The following SEMA3E variants were observed in gnomAD, a reference collection of about 807,000 sequenced individuals.
SEMA3E encodes semaphorin-3E.
Under a neutral mutation model 93.6 loss-of-function variants are expected in SEMA3E, and 49 were observed. That is an observed-to-expected ratio of 0.52 (90% CI 0.42 to 0.66). The LOEUF (loss-of-function observed/expected upper bound fraction) is 0.66. Among genes scored for constraint, SEMA3E ranks in the 30% least tolerant of loss-of-function variants. SEMA3E has a pLI of 0.00. For missense variants in SEMA3E, 906 were observed against 964.8 expected, an observed-to-expected ratio of 0.94 and a Z score of 0.81; for synonymous variants, 363 against 330.7, an observed-to-expected ratio of 1.10 and a Z score of -1.06.
intron 1 of SEMA3E, among the ~76,000 whole-genome samples, chr7:83,593,059 CCT>C (rs757847922): frequency 6.6e-5 from 10 of 152,014 alleles, no homozygotes; most frequent in Non-Finnish European, 1.3e-4. Context: ...CTTAAGCAAT[CCT>C]CTCACCTCAG....
At chr7:83,404,886 G>GT (rs1167611800) in intron 9 of SEMA3E, among the ~76,000 whole-genome samples, 2 of 151,896 alleles carry the variant, frequency 1.3e-5, no homozygotes, top group African/African-American at 4.8e-5. Flanking sequence ...GGAGGAGAAA[G>GT]TTTTTTCAAG....
chr7:83,567,006 C>T (rs1242552682), intron 1 of SEMA3E, among the ~76,000 whole-genome samples: 3 of 152,158 alleles, frequency 2.0e-5, no homozygotes, highest in Admixed American at 6.5e-5. Context: ...AGAACGACTG[C>T]CTTCAAGCAA....
chr7:83,448,292 C>T (rs763528163), intron 4 of SEMA3E, among the ~76,000 whole-genome samples: 7 of 152,130 alleles, frequency 4.6e-5, no homozygotes, highest in Non-Finnish European at 7.4e-5. Flanking sequence ...GTTAAGGAGT[C>T]GATGTATTAC....
intron 1 of SEMA3E, among the ~76,000 whole-genome samples, chr7:83,643,749 T>C (rs1032804703): frequency 6.6e-6 from 1 of 151,992 alleles, no homozygotes; most frequent in Non-Finnish European, 1.5e-5. Flanking sequence ...ACTTATCCAG[T>C]GATATTTTTT....
In SEMA3E at chr7:83,648,459, A is replaced by G. The variant is rs983639243; in HGVS notation, c.84T>C (p.Thr28=). The change falls in exon 1 of 17, where the codon ACT becomes ACC. Residue 28 remains threonine (T), a synonymous_variant. Coordinates refer to ENST00000643230, the MANE Select transcript of SEMA3E (RefSeq NM_012431.3). The stretch of plus-strand genomic sequence containing the variant: ...GTGACAGGCGTAACCGGGGGTGGGT[A>G]GTATCAGCTGTATGACCTCCTGTCC... ...ELWTGGHTAD[T]THPRLRLSHK... is the part of the protein sequence containing the mutation. 5 of 1,610,102 alleles carry G rather than the reference A, an allele frequency of 3.1e-6. No homozygotes were observed. The African/African-American group carries it at 5.4e-5, about 18-fold the overall frequency.
chr7:83,586,286 T>C (rs1792625270), intron 1 of SEMA3E, among the ~76,000 whole-genome samples: 1 of 152,160 alleles, frequency 6.6e-6, no homozygotes, highest in African/African-American at 2.4e-5. Context: ...GAAACGCATT[T>C]ACAAGATAAT....
intron 1 of SEMA3E, among the ~76,000 whole-genome samples, chr7:83,545,079 G>A (rs986707990): frequency 2.0e-5 from 3 of 152,016 alleles, no homozygotes; most frequent in African/African-American, 7.2e-5. Flanking sequence ...CTTAGGATAT[G>A]ATGGCCTTGC....
At chr7:83,429,740 G>A (rs893800139) in intron 4 of SEMA3E, among the ~76,000 whole-genome samples, 1 of 152,058 alleles carries the variant, frequency 6.6e-6, no homozygotes, top group Non-Finnish European at 1.5e-5. Flanking sequence ...TCCTGCACAA[G>A]TGACTTTCTT....
chr7:83,392,412 G>A, intron 14 of SEMA3E, 143 bp downstream of exon 14: 1 of 917,494 alleles, frequency 1.1e-6, no homozygotes, highest in Non-Finnish European at 1.7e-6. Flanking sequence ...AAAATAAAAG[G>A]TCAACAGCAT....
intron 1 of SEMA3E, among the ~76,000 whole-genome samples, chr7:83,603,803 C>T (rs1793047271): frequency 6.6e-6 from 1 of 152,124 alleles, no homozygotes; most frequent in African/African-American, 2.4e-5. Context: ...TCAAATCTAT[C>T]TTTGGAGCAG....
rs574901886 is a variant in SEMA3E at position 83,386,993 on chromosome 7, T to A, written c.1725A>T (p.Gln575His). The A allele has an allele frequency of 6.2e-7, 1 of 1,613,306 alleles. No homozygotes were observed. Among genetic ancestry groups the A allele is most frequent in the South Asian group, 1.1e-5 (1 of 91,036 alleles). The change falls in exon 15 of 17, where the codon CAA becomes CAT. Residue 575 changes from glutamine (Q) to histidine (H), a missense_variant. Gln to His is a conservative substitution (Grantham distance 24, BLOSUM62 0). Coordinates refer to ENST00000643230, the MANE Select transcript of SEMA3E (RefSeq NM_012431.3). Reference sequence around the variant, plus strand: ...TTTTCTATGGATTACCAACAAACTGTTGTCCAAAGCACTGCTGAGCTGCAT... The same window carrying A: ...TTTTCTATGGATTACCAACAAACTGATGTCCAAAGCACTGCTGAGCTGCAT... ...HGNAAQQCFG[Q>H]QFVGDALDKT...
At chr7:83,546,986 G>C (rs1190239463) in intron 1 of SEMA3E, among the ~76,000 whole-genome samples, 1 of 152,022 alleles carries the variant, frequency 6.6e-6, no homozygotes, top group Non-Finnish European at 1.5e-5. Flanking sequence ...TATAAAGCAA[G>C]AATGGTGACA....
chr7:83,638,180 T>C (rs1198095889), intron 1 of SEMA3E, among the ~76,000 whole-genome samples: 1 of 152,212 alleles, frequency 6.6e-6, no homozygotes, highest in Non-Finnish European at 1.5e-5. Flanking sequence ...AATATGTATA[T>C]TGTGTGGAAA....
At chr7:83,498,581 G>A (rs1790537701) in intron 1 of SEMA3E, among the ~76,000 whole-genome samples, 1 of 151,862 alleles carries the variant, frequency 6.6e-6, no homozygotes, top group Non-Finnish European at 1.5e-5. Flanking sequence ...GGGTTCAAGC[G>A]ATTCTCTTGC....
chr7:83,614,236 T>A (rs42024), intron 1 of SEMA3E, among the ~76,000 whole-genome samples: 1 of 151,834 alleles, frequency 6.6e-6, no homozygotes, highest in African/African-American at 2.4e-5. Flanking sequence ...TCACATTCTT[T>A]CTCAGTGCCA....
At chr7:83,416,889 T>C (rs557846309) in intron 5 of SEMA3E, among the ~76,000 whole-genome samples, 1 of 151,884 alleles carries the variant, frequency 6.6e-6, no homozygotes, top group African/African-American at 2.4e-5. Context: ...CCCCCAAAAG[T>C]GTTATTCCTA....
chr7:83,441,639 C>G (rs952948660), intron 4 of SEMA3E, among the ~76,000 whole-genome samples: 3 of 152,020 alleles, frequency 2.0e-5, no homozygotes, highest in African/African-American at 7.3e-5. Context: ...TCACAGCAAC[C>G]CTATATGTGA....
chr7:83,518,402 G>C (rs1321159729), intron 1 of SEMA3E, among the ~76,000 whole-genome samples: 1 of 152,106 alleles, frequency 6.6e-6, no homozygotes, highest in Non-Finnish European at 1.5e-5. Context: ...CTATAGGTTG[G>C]AGAAAGGTGG....
At chr7:83,458,631 GC>G (rs1321420468) in intron 4 of SEMA3E, among the ~76,000 whole-genome samples, 1 of 151,666 alleles carries the variant, frequency 6.6e-6, no homozygotes, top group Non-Finnish European at 1.5e-5. Flanking sequence ...GTTTACATGG[GC>G]TAATATACCT....
Sources: gnomAD v4.1 joint callset for allele counts (sites outside exome capture counted in the v4.1 genomes callset) on GRCh38, gnomAD v4.1.1 for gene constraint, MANE v1.5 for transcripts, NCBI Gene and HGNC (gene_info 2026-07-23, HGNC 2026-07-21) for gene names.